The following LINC00632 variants were observed in gnomAD, a reference collection of about 807,000 sequenced individuals.
LINC00632 encodes the protein ALDOA related specific transcript.
At chrX:140,726,636 C>A (rs184028570) in intron 2 of LINC00632, among the ~76,000 whole-genome samples, 1 of 111,542 alleles carries the variant, frequency 9.0e-6, no homozygotes, top group East Asian at 2.9e-4. Flanking sequence ...AATTCCATAA[C>A]ATCACGAGCT....
At chrX:140,748,447 C>T (rs759704537) in intron 3 of LINC00632, among the ~76,000 whole-genome samples, 6 of 111,481 alleles carry the variant, frequency 5.4e-5, no homozygotes, top group Middle Eastern at 4.7e-3. Flanking sequence ...GTACAGATCT[C>T]TTTGTCTTTC....
chrX:140,769,031 T>G (rs984621690), intron 3 of LINC00632, among the ~76,000 whole-genome samples: 6 of 109,503 alleles, frequency 5.5e-5, no homozygotes, highest in Non-Finnish European at 7.6e-5. Flanking sequence ...ACAAATGTGA[T>G]TTTGGTCAGG....
chrX:140,729,877 C>CT (rs1207034823), intron 2 of LINC00632, among the ~76,000 whole-genome samples: 4,059 of 90,733 alleles, frequency 0.045, 213 homozygotes, highest in African/African-American at 0.12. Flanking sequence ...TTTCTTTTTT[C>CT]TTTTTTTTTT....
exon 5 of LINC00632, among the ~76,000 whole-genome samples, chrX:140,785,179 AATAAT>A (rs199924557): frequency 1.4e-4 from 15 of 103,910 alleles, no homozygotes; most frequent in African/African-American, 4.2e-4. Context: ...AAAGAATAAT[AATAAT>A]ATAATAATAA....
At position 140,724,322 on chromosome X, in the gene LINC00632, TCACA is replaced by T. The variant is rs1480434403; in HGVS notation, n.105-9548_105-9545del. 1.7e-4 allele frequency among the ~76,000 whole-genome samples: 5 copies of T among 29,487 alleles called. No homozygotes were observed. The East Asian group carries it at 3.9e-3, about 23-fold the overall frequency. 25.6% of individuals were successfully genotyped at this position (29,487 alleles called of 115,157 possible). A position where few individuals can be genotyped will look rare whatever the true frequency, so the allele number is the denominator to read the frequency against. On this transcript the variant is annotated intron_variant and non_coding_transcript_variant, in intron 2 of 4. Coordinates refer to ENST00000648200, the Ensembl canonical transcript of LINC00632. ...ACACACATTCAGACACATTCCATAC[TCACA>T]CACACACTTTCCATACACATACACA...
At chrX:140,741,650 C>T in intron 3 of LINC00632, among the ~76,000 whole-genome samples, 2 of 111,799 alleles carry the variant, frequency 1.8e-5, no homozygotes, top group Middle Eastern at 9.2e-3. Flanking sequence ...GCTGCCATTA[C>T]CTGAGTAAGG....
exon 5 of LINC00632, among the ~76,000 whole-genome samples, chrX:140,775,609 A>G (rs771046615): frequency 8.0e-5 from 9 of 112,141 alleles, no homozygotes; most frequent in Middle Eastern, 4.6e-3. Context: ...CCTCATCATT[A>G]TATCTGATAA....
intron 3 of LINC00632, among the ~76,000 whole-genome samples, chrX:140,742,873 GAGAGAGGA>G (rs1310753847): frequency 1.1e-5 from 1 of 94,947 alleles, no homozygotes; most frequent in Non-Finnish European, 2.1e-5. Flanking sequence ...GAGAGAGAGA[GAGAGAGGA>G]AGGAAGGAAG....
At chrX:140,785,027 T>C (rs5954093) in exon 5 of LINC00632, among the ~76,000 whole-genome samples, 5 of 110,337 alleles carry the variant, frequency 4.5e-5, no homozygotes, top group African/African-American at 1.7e-4. Flanking sequence ...TTATACAGTT[T>C]ACTATGTTTA....
At chrX:140,758,911 T>A (rs113570550) in intron 3 of LINC00632, among the ~76,000 whole-genome samples, 1,974 of 110,176 alleles carry the variant, frequency 0.018, 45 homozygotes, top group African/African-American at 0.062. Context: ...GATGGCTGAT[T>A]TCTCCATGGC....
intron 3 of LINC00632, among the ~76,000 whole-genome samples, chrX:140,745,303 T>C (rs2043839678): frequency 9.0e-6 from 1 of 110,538 alleles, no homozygotes; most frequent in Non-Finnish European, 1.9e-5. Context: ...ATAGAGGTTC[T>C]GATCTCTTGG....
At chrX:140,714,839 T>G (rs28367562) in intron 2 of LINC00632, 1 of 78,049 alleles carries the variant, frequency 1.3e-5, no homozygotes, top group African/African-American at 5.1e-5. Flanking sequence ...AATAAAAAAA[T>G]AAAAAAAAAA....
At chrX:140,735,628 G>A (rs1025862150) in intron 3 of LINC00632, among the ~76,000 whole-genome samples, 8 of 110,971 alleles carry the variant, frequency 7.2e-5, no homozygotes, top group Non-Finnish European at 1.3e-4. Flanking sequence ...GTGCAATGGC[G>A]CAATCTCGGC....
At chrX:140,784,132 T>C (rs753366036) in exon 5 of LINC00632, 1 of 1,211,295 alleles carries the variant, frequency 8.3e-7, no homozygotes, top group South Asian at 1.8e-5. Flanking sequence ...AGAAAATCCT[T>C]GTCTTCCCTC....
chrX:140,734,703 T>G (rs1931113805), intron 3 of LINC00632, among the ~76,000 whole-genome samples: 1 of 110,384 alleles, frequency 9.1e-6, no homozygotes, highest in Non-Finnish European at 1.9e-5. Flanking sequence ...ACTTAAAATA[T>G]TACACATTTG....
intron 3 of LINC00632, among the ~76,000 whole-genome samples, chrX:140,766,633 G>C (rs1931695965): frequency 8.9e-6 from 1 of 111,875 alleles, no homozygotes; most frequent in African/African-American, 3.2e-5. Flanking sequence ...ATCTTATAAT[G>C]TACAATTCAG....
chrX:140,713,451 G>C (rs1229981605), intron 2 of LINC00632: 2 of 304,535 alleles, frequency 6.6e-6, no homozygotes, highest in Non-Finnish European at 1.3e-5. Context: ...GATGCTAACA[G>C]CATGTTTAGA....
chrX:140,723,585 C>T (rs866187775), intron 2 of LINC00632, among the ~76,000 whole-genome samples: 1 of 17,156 alleles, frequency 5.8e-5, no homozygotes, highest in African/African-American at 3.4e-4. Flanking sequence ...CACACACACA[C>T]ATTCCATACA....
intron 3 of LINC00632, among the ~76,000 whole-genome samples, chrX:140,737,213 A>C (rs1252195832): frequency 9.0e-6 from 1 of 111,440 alleles, no homozygotes; most frequent in East Asian, 2.8e-4. Flanking sequence ...GATTGATTTT[A>C]ATTGGAAAAG....
Sources: allele counts gnomAD v4.1 joint callset (sites outside exome capture counted in the v4.1 genomes callset), GRCh38; gene constraint gnomAD v4.1.1; transcripts MANE v1.5; gene names NCBI Gene and HGNC (gene_info 2026-07-23, HGNC 2026-07-21).